MME: variants seen among roughly 807,000 people sequenced by gnomAD.
The protein encoded by MME is membrane metalloendopeptidase, also known as neprilysin.
MME carries 98 observed loss-of-function variants against 113.2 expected under a neutral mutation model. The ratio of observed to expected loss-of-function variants is 0.87; its 90% CI spans 0.74 to 1.02. The LOEUF (loss-of-function observed/expected upper bound fraction) is 1.02, where lower values mean the gene tolerates loss of function less well. Ranked by LOEUF, MME falls within the 50% of genes least tolerant of loss-of-function variation. MME has a pLI of 0.00. For synonymous variants in MME, 292 were observed against 300.6 expected, an observed-to-expected ratio of 0.97 and a Z score of 0.30; for missense variants, 836 against 896.0, an observed-to-expected ratio of 0.93 and a Z score of 0.86.
intron 14 of MME, among the ~76,000 whole-genome samples, chr3:155,146,034 A>AC (rs1038817424): frequency 3.3e-5 from 5 of 151,988 alleles, no homozygotes; most frequent in African/African-American, 7.2e-5. Flanking sequence ...TACAGGCTAA[A>AC]CCCCCCATGA....
chr3:155,040,194 C>T (rs1371840361), intron 1 of MME, among the ~76,000 whole-genome samples: 2 of 152,140 alleles, frequency 1.3e-5, no homozygotes. Context: ...ACCTTTAGCA[C>T]TCTTGACATT....
intron 17 of MME, 99 bp downstream of exon 17, chr3:155,160,547 T>C (rs1489569677): frequency 2.4e-5 from 19 of 806,922 alleles, no homozygotes; most frequent in Non-Finnish European, 4.1e-5. Context: ...CAAGCACAGC[T>C]GAGGCTGAGT....
At chr3:155,149,152 T>G (rs1477521608) in intron 16 of MME, among the ~76,000 whole-genome samples, 2 of 152,212 alleles carry the variant, frequency 1.3e-5, no homozygotes, top group African/African-American at 4.8e-5. Context: ...TTATTCACAG[T>G]CTTCTTATGC....
intron 12 of MME, 83 bp from the exon 13 acceptor site, chr3:155,143,360 G>A: frequency 6.7e-7 from 1 of 1,487,078 alleles, no homozygotes; most frequent in Non-Finnish European, 9.3e-7. Context: ...GAACTTAGAT[G>A]AGACATTTGT....
At chr3:155,112,420 T>C (rs1038039570) in intron 3 of MME, 4 of 152,180 alleles carry the variant, frequency 2.6e-5, no homozygotes, top group African/African-American at 4.8e-5. Flanking sequence ...ATATACTCAT[T>C]TAACTGTGAC....
chr3:155,076,972 G>T (rs997264645), upstream of MME, among the ~76,000 whole-genome samples: 1 of 152,106 alleles, frequency 6.6e-6, no homozygotes. Flanking sequence ...CTTCTTTACA[G>T]TATCCTGTTT....
intron 16 of MME, chr3:155,158,409 A>G (rs1433326619): frequency 1.3e-5 from 2 of 152,092 alleles, no homozygotes; most frequent in Non-Finnish European, 2.9e-5. Flanking sequence ...CACGTTTGCT[A>G]TGAAAATGTC....
At chr3:155,065,683 A>G (rs1203492787) in intron 1 of MME, among the ~76,000 whole-genome samples, 48 of 152,260 alleles carry the variant, frequency 3.2e-4, no homozygotes, top group Non-Finnish European at 1.8e-4. Flanking sequence ...TGCCTAACTT[A>G]AAACATGAGT....
intron 1 of MME, among the ~76,000 whole-genome samples, chr3:155,049,380 C>T (rs977905213): frequency 6.6e-6 from 1 of 151,916 alleles, no homozygotes; most frequent in Non-Finnish European, 1.5e-5. Context: ...GATACATCCA[C>T]GAGCCAAAGA....
rs183243742 is a variant in MME, at chr3:155,080,716, G to A, written c.-11+250G>A. On this transcript the variant is annotated intron_variant, in intron 1 of 22. Coordinates refer to ENST00000360490, the MANE Select transcript of MME (RefSeq NM_007289.4). ...TCTATTTGTCTGGTTTCAAAATAAG[G>A]GTAATTGCAACCAAATATCCCTCTT... Among the ~76,000 whole-genome samples, 499 of 152,154 alleles carry A rather than the reference G, an allele frequency of 3.3e-3. 1 individual carries two copies. Among genetic ancestry groups the A allele is most frequent in the Admixed American group, 5.1e-3 (78 of 15,282 alleles).
intron 1 of MME, among the ~76,000 whole-genome samples, chr3:155,063,144 A>G (rs1221150084): frequency 7.6e-6 from 1 of 131,190 alleles, no homozygotes. Context: ...TAATTATGTT[A>G]TATATTTATG....
chr3:155,115,265 A>G (rs760349429), intron 4 of MME, 110 bp downstream of exon 4: 5 of 1,359,162 alleles, frequency 3.7e-6, no homozygotes, highest in Non-Finnish European at 5.1e-6. Flanking sequence ...TTAAAAAGTT[A>G]ATAATCCTTC....
At chr3:155,042,804 T>G (rs1713372319) in intron 1 of MME, among the ~76,000 whole-genome samples, 1 of 149,958 alleles carries the variant, frequency 6.7e-6, no homozygotes, top group African/African-American at 2.4e-5. Flanking sequence ...TTCTGTCAAG[T>G]GTTTATCATC....
chr3:155,084,469 A>T (rs1056287358), intron 2 of MME, 142 bp downstream of exon 2: 2 of 826,210 alleles, frequency 2.4e-6, no homozygotes, highest in Non-Finnish European at 4.0e-6. Flanking sequence ...AAAATGTAAC[A>T]TCAATATGTC....
intron 16 of MME, among the ~76,000 whole-genome samples, chr3:155,159,391 T>C (rs1465846741): frequency 6.6e-6 from 1 of 152,036 alleles, no homozygotes; most frequent in African/African-American, 2.4e-5. Context: ...CTTAAATGTA[T>C]GCATGTATGC....
intron 1 of MME, among the ~76,000 whole-genome samples, chr3:155,042,912 A>G (rs1394748114): frequency 7.0e-4 from 30 of 43,038 alleles, no homozygotes; most frequent in African/African-American, 2.7e-3. Context: ...ATATATATAT[A>G]TATATATATA....
At chr3:155,065,176 C>T in intron 1 of MME, among the ~76,000 whole-genome samples, 1 of 152,194 alleles carries the variant, frequency 6.6e-6, no homozygotes, top group East Asian at 1.9e-4. Flanking sequence ...GCACTTTCCT[C>T]AAAGACAGTC....
chr3:155,129,567 C>T (rs1455589822), intron 8 of MME, among the ~76,000 whole-genome samples: 1 of 151,838 alleles, frequency 6.6e-6, no homozygotes, highest in Non-Finnish European at 1.5e-5. Context: ...TGATAGAGAA[C>T]AGTTGCATCA....
At chr3:155,111,949 A>G (rs972852090) in intron 3 of MME, among the ~76,000 whole-genome samples, 10 of 152,186 alleles carry the variant, frequency 6.6e-5, no homozygotes, top group Admixed American at 2.6e-4. Context: ...TTCACTTTAC[A>G]TAATAATCCT....
Sources: gnomAD v4.1 joint callset for allele counts (sites outside exome capture counted in the v4.1 genomes callset) on GRCh38, gnomAD v4.1.1 for gene constraint, MANE v1.5 for transcripts, NCBI Gene and HGNC (gene_info 2026-07-23, HGNC 2026-07-21) for gene names.